The following SLC2A10 variants were observed in gnomAD, a reference collection of about 807,000 sequenced individuals.
SLC2A10 encodes the protein solute carrier family 2, facilitated glucose transporter member 10.
Under a neutral mutation model 32.1 loss-of-function variants are expected in SLC2A10, and 25 were observed. The ratio of observed to expected loss-of-function variants is 0.78; its 90% CI spans 0.57 to 1.09. SLC2A10 has a LOEUF of 1.09. Among genes scored for constraint, SLC2A10 ranks in the 50% least tolerant of loss-of-function variants. The pLI, the probability that SLC2A10 is intolerant of heterozygous loss-of-function variation, is 0.00. For synonymous variants in SLC2A10, 332 were observed against 309.6 expected, an observed-to-expected ratio of 1.07 and a Z score of -0.76; for missense variants, 673 against 686.5, an observed-to-expected ratio of 0.98 and a Z score of 0.22.
At chr20:46,714,206 T>G (rs1979091933) in intron 1 of SLC2A10, among the ~76,000 whole-genome samples, 1 of 152,002 alleles carries the variant, frequency 6.6e-6, no homozygotes, top group African/African-American at 2.4e-5. Flanking sequence ...TCCAGGCAAG[T>G]AAAACACCAG....
intron 3 of SLC2A10, among the ~76,000 whole-genome samples, chr20:46,728,132 T>C (rs1196398470): frequency 6.6e-6 from 1 of 151,688 alleles, no homozygotes; most frequent in East Asian, 1.9e-4. Flanking sequence ...GGAAGGAATT[T>C]ATTAGAATTG....
intron 1 of SLC2A10, among the ~76,000 whole-genome samples, chr20:46,720,718 A>C (rs1431920244): frequency 6.6e-6 from 1 of 152,148 alleles, no homozygotes; most frequent in Non-Finnish European, 1.5e-5. Context: ...ATTTTAAAGG[A>C]GAAAAATGTT....
chr20:46,709,926 C>T (rs1978811582), intron 1 of SLC2A10, 186 bp downstream of exon 1: 1 of 619,338 alleles, frequency 1.6e-6, no homozygotes, highest in Non-Finnish European at 2.7e-6. Context: ...GGGGCTCGGT[C>T]GCGCTTCCTT....
chr20:46,726,045 G>C lies in SLC2A10; in HGVS notation c.1009G>C (p.Gly337Arg). The change falls in exon 2 of 5, where the codon GGG (glycine) becomes CGG (arginine). Residue 337 changes from glycine (G) to arginine (R), a missense_variant. Transcript: ENST00000359271. ...CTGTCTGGCTGTGCCCAATGCCACC[G>C]GGCAGACAGGCCTCCCTGGAGACTC... ...PSCLAVPNATGQTGLPGDSGL... is the reference protein window; with the variant it reads ...PSCLAVPNATRQTGLPGDSGL... 1.2e-6 allele frequency: 2 copies of C among 1,614,102 alleles called. No homozygotes were observed. The highest frequency in any genetic ancestry group is 1.6e-4 in the Middle Eastern group (1 of 6,062).
intron 2 of SLC2A10, among the ~76,000 whole-genome samples, 164 bp downstream of exon 2, chr20:46,726,488 C>G (rs1203894043): frequency 6.6e-6 from 1 of 152,158 alleles, no homozygotes; most frequent in Non-Finnish European, 1.5e-5. Context: ...TTGCTCCTCC[C>G]AGGGCCAGTG....
intron 4 of SLC2A10, among the ~76,000 whole-genome samples, chr20:46,731,305 C>T (rs1456507441): frequency 6.6e-6 from 1 of 152,182 alleles, no homozygotes; most frequent in African/African-American, 2.4e-5. Context: ...GGGCACAGTC[C>T]TCAAGGTCAC....
At position 46,734,564 on chromosome 20, in the gene SLC2A10, CTT is replaced by C. The variant is rs961946219; in HGVS notation, c.*733_*734del. 1 of 152,556 alleles carries C rather than the reference CTT, an allele frequency of 6.6e-6. No homozygotes were observed. Among genetic ancestry groups the C allele is most frequent in the Admixed American group, 6.5e-5 (1 of 15,330 alleles). The allele number at this position is 152,556 out of a possible 1,614,324, so 9.5% of individuals were successfully genotyped here. A position where few individuals can be genotyped will look rare whatever the true frequency, so the allele number is the denominator to read the frequency against. ...TGCTAGGATTACAGGCCTTTTGACT[CTT>C]TTATCTGAGTTTTATTGACCCCTCT... On this transcript the variant is annotated 3_prime_UTR_variant, in exon 5 of 5. Coordinates refer to ENST00000359271, the MANE Select transcript of SLC2A10 (RefSeq NM_030777.4).
chr20:46,726,715 T>G, intron 2 of SLC2A10, 149 bp from the exon 3 acceptor site: 1 of 1,112,204 alleles, frequency 9.0e-7, no homozygotes, highest in Non-Finnish European at 1.4e-6. Flanking sequence ...GACTCTACTG[T>G]AATTCTTATA....
Position 46,733,916 on chromosome 20 carries a change from A to G in SLC2A10, c.*82A>G. On this transcript the variant is annotated 3_prime_UTR_variant, in exon 5 of 5. Coordinates refer to ENST00000359271, the MANE Select transcript of SLC2A10 (RefSeq NM_030777.4). ...TCCTGCTTCCTAGGCCCCAGAGCAC[A>G]AGTTCCAGCTGGTCTTTTGGGAGTG... is the stretch of plus-strand genomic sequence containing the variant. 7.3e-7 allele frequency: 1 copy of G among 1,377,124 alleles called. No homozygotes were observed. The highest frequency in any genetic ancestry group is 1.0e-6 in the Non-Finnish European group (1 of 977,678). 85.3% of individuals were successfully genotyped at this position (1,377,124 alleles called of 1,614,324 possible).
chr20:46,729,702 C>T (rs980465608), intron 4 of SLC2A10, among the ~76,000 whole-genome samples: 4 of 133,670 alleles, frequency 3.0e-5, no homozygotes, highest in Admixed American at 1.7e-4. Context: ...AGTGCAGTGG[C>T]GCCATCTCGG....
At chr20:46,730,739 A>T (rs1980253576) in intron 4 of SLC2A10, among the ~76,000 whole-genome samples, 1 of 152,024 alleles carries the variant, frequency 6.6e-6, no homozygotes, top group Non-Finnish European at 1.5e-5. Flanking sequence ...GCATCATGAG[A>T]CCTTAGGCTG....
At chr20:46,709,339 C>T (rs759030944), upstream of SLC2A10, 69 of 279,430 alleles carry the variant, frequency 2.5e-4, no homozygotes, top group Admixed American at 5.6e-5. Flanking sequence ...GGCACCTCTT[C>T]CCTGCAAAGA....
intron 1 of SLC2A10, among the ~76,000 whole-genome samples, chr20:46,719,823 C>A (rs1979450454): frequency 1.3e-5 from 2 of 152,294 alleles, no homozygotes; most frequent in South Asian, 4.1e-4. Flanking sequence ...CTTCCTGAGC[C>A]TCCTTTCTCT....
At chr20:46,727,643 G>A (rs1013125207) in intron 3 of SLC2A10, among the ~76,000 whole-genome samples, 1 of 152,150 alleles carries the variant, frequency 6.6e-6, no homozygotes, top group Non-Finnish European at 1.5e-5. Flanking sequence ...TCAAGTTTGG[G>A]TGACATCATC....
chr20:46,732,937 T>C (rs1392624638), intron 4 of SLC2A10, among the ~76,000 whole-genome samples: 1 of 151,942 alleles, frequency 6.6e-6, no homozygotes, highest in Non-Finnish European at 1.5e-5. Flanking sequence ...GTTAGGAGTT[T>C]TGAAGGGAGA....
chr20:46,726,577 T>C (rs1463186931), intron 2 of SLC2A10, among the ~76,000 whole-genome samples: 1 of 152,218 alleles, frequency 6.6e-6, no homozygotes, highest in Non-Finnish European at 1.5e-5. Context: ...AAAGCCCGGA[T>C]AGCTCACAAC....
intron 1 of SLC2A10, among the ~76,000 whole-genome samples, chr20:46,712,654 T>C (rs1978994348): frequency 7.2e-6 from 1 of 138,054 alleles, no homozygotes; most frequent in Non-Finnish European, 1.6e-5. Context: ...TTTCTTTCTT[T>C]TTTTTTTTTT....
At chr20:46,721,575 A>G (rs563459396) in intron 1 of SLC2A10, among the ~76,000 whole-genome samples, 1 of 152,242 alleles carries the variant, frequency 6.6e-6, no homozygotes, top group East Asian at 1.9e-4. Flanking sequence ...AAGAACAAAG[A>G]GTATTGGTTG....
chr20:46,715,131 A>G (rs1404299410), intron 1 of SLC2A10, among the ~76,000 whole-genome samples: 1 of 152,198 alleles, frequency 6.6e-6, no homozygotes, highest in Admixed American at 6.5e-5. Context: ...TAGCAGTCTC[A>G]CCTAGGGTTG....
Sources: allele counts gnomAD v4.1 joint callset (sites outside exome capture counted in the v4.1 genomes callset), GRCh38; gene constraint gnomAD v4.1.1; transcripts MANE v1.5; gene names NCBI Gene and HGNC (gene_info 2026-07-23, HGNC 2026-07-21).